Variants in MAP7 observed in about 807,000 individuals in gnomAD.
MAP7 encodes ensconsin.
In MAP7, 52 loss-of-function variants were observed where a neutral mutation model predicts 94.8. The ratio of observed to expected loss-of-function variants is 0.55; its 90% CI spans 0.44 to 0.69. MAP7 has a LOEUF of 0.69. Among genes scored for constraint, MAP7 ranks in the 30% least tolerant of loss-of-function variants. The pLI is 0.00. For missense variants in MAP7, 940 were observed against 964.6 expected (o/e 0.97, Z 0.34); for synonymous variants, 350 against 357.0 (o/e 0.98, Z 0.22).
At position 136,365,870 on chromosome 6, in the gene MAP7, G is replaced by T; in HGVS notation, c.1138C>A (p.Pro380Thr). ...RPVKREVKVEPEKKDPEKEPQ... is the reference protein window; with the variant it reads ...RPVKREVKVETEKKDPEKEPQ... ...TCCTTCTCAGGATCTTTCTTCTCAG[G>T]CTCCACTTTGACTTCCCTCTTGACA... Residue 380 changes from proline (P) to threonine (T), a missense_variant, in exon 10 of 18, where the codon CCT (proline) becomes ACT (threonine). Coordinates refer to ENST00000354570, the MANE Select transcript of MAP7 (RefSeq NM_003980.6). 6.2e-7 allele frequency: 1 copy of T among 1,614,124 alleles called. No individual in the cohort carries two copies. The highest frequency in any genetic ancestry group is 8.5e-7 in the Non-Finnish European group (1 of 1,180,036).
chr6:136,398,856 C>T (rs149890735), intron 3 of MAP7, among the ~76,000 whole-genome samples: 37 of 152,302 alleles, frequency 2.4e-4, no homozygotes, highest in African/African-American at 7.5e-4. Flanking sequence ...GAACTCAGTG[C>T]ACTCATGGGT....
At chr6:136,399,865 A>G (rs1370954822) in intron 3 of MAP7, among the ~76,000 whole-genome samples, 1 of 152,232 alleles carries the variant, frequency 6.6e-6, no homozygotes, top group Non-Finnish European at 1.5e-5. Context: ...ATAAAATAAT[A>G]AGAACATCTA....
chr6:136,405,275 A>G (rs1346642147), intron 3 of MAP7, among the ~76,000 whole-genome samples: 2 of 152,228 alleles, frequency 1.3e-5, no homozygotes, highest in African/African-American at 4.8e-5. Flanking sequence ...CAGATAATCA[A>G]CAAATAAGTA....
At chr6:136,533,110 TA>T (rs1014640816) in intron 1 of MAP7, among the ~76,000 whole-genome samples, 10 of 152,102 alleles carry the variant, frequency 6.6e-5, no homozygotes, top group Non-Finnish European at 1.3e-4. Flanking sequence ...CCATCTCTAC[TA>T]AAAATACAAA....
chr6:136,401,833 G>T (rs1029853209), intron 3 of MAP7, among the ~76,000 whole-genome samples: 12 of 150,634 alleles, frequency 8.0e-5, no homozygotes, highest in South Asian at 4.2e-4. Context: ...GAAAAACACA[G>T]AATGATCGCT....
At chr6:136,357,155 C>T (rs1791222421) in intron 15 of MAP7, among the ~76,000 whole-genome samples, 1 of 152,170 alleles carries the variant, frequency 6.6e-6, no homozygotes, top group South Asian at 2.1e-4. Context: ...ATCAAGCTGA[C>T]ACTGAATATC....
chr6:136,523,851 C>A (rs991683831), intron 1 of MAP7, among the ~76,000 whole-genome samples: 7 of 152,162 alleles, frequency 4.6e-5, no homozygotes, highest in African/African-American at 1.7e-4. Context: ...TTCGAAGCAT[C>A]TTCTTTCCTC....
chr6:136,382,129 T>C (rs73559067), intron 6 of MAP7, among the ~76,000 whole-genome samples: 2,583 of 152,214 alleles, frequency 0.017, 40 homozygotes, highest in East Asian at 0.039. Context: ...GTAGATCTTT[T>C]TCAGTTCCAA....
In MAP7 at chr6:136,535,436, C is replaced by CA. The variant is rs35239173; in HGVS notation, c.67+14905dup. The stretch of plus-strand genomic sequence containing the variant: ...CCTAGCCTCAGGTGTTTAAGTGACA[C>CA]AAAAAAAGGCCTAACACACCAATTC... On this transcript the variant is annotated intron_variant, in intron 1 of 17. Coordinates refer to ENST00000354570, the MANE Select transcript of MAP7 (RefSeq NM_003980.6). Among the ~76,000 whole-genome samples the CA allele has an allele frequency of 6.6e-5, 10 of 151,576 alleles. No homozygotes were observed. In the South Asian group the frequency reaches 1.7e-3, roughly 25 times the overall value.
At chr6:136,446,558 G>A (rs192565006) in intron 1 of MAP7, among the ~76,000 whole-genome samples, 65 of 152,288 alleles carry the variant, frequency 4.3e-4, no homozygotes, top group African/African-American at 1.5e-3. Context: ...AAGTTGGGGA[G>A]GTGCAGGGGG....
chr6:136,459,084 C>A (rs1450335655), intron 1 of MAP7, among the ~76,000 whole-genome samples: 1 of 151,998 alleles, frequency 6.6e-6, no homozygotes, highest in Admixed American at 6.6e-5. Flanking sequence ...TAGAAATGGG[C>A]AAAGGAACTG....
At chr6:136,528,919 G>A (rs1463594221) in intron 1 of MAP7, among the ~76,000 whole-genome samples, 1 of 150,630 alleles carries the variant, frequency 6.6e-6, no homozygotes, top group East Asian at 1.9e-4. Context: ...TTTCTTAAAT[G>A]TTCACACCCA....
chr6:136,348,206 C>G (rs538389384), intron 16 of MAP7, among the ~76,000 whole-genome samples: 1 of 152,310 alleles, frequency 6.6e-6, no homozygotes, highest in South Asian at 2.1e-4. Context: ...GAACGTATCT[C>G]CAGAGCCCCC....
intron 3 of MAP7, among the ~76,000 whole-genome samples, chr6:136,392,211 G>A (rs900641119): frequency 3.3e-5 from 5 of 151,978 alleles, no homozygotes; most frequent in Non-Finnish European, 7.4e-5. Flanking sequence ...CTGGGTAGCT[G>A]GGACTACAGG....
chr6:136,544,608 T>C (rs1264005502), intron 1 of MAP7, among the ~76,000 whole-genome samples: 2 of 152,184 alleles, frequency 1.3e-5, no homozygotes, highest in South Asian at 2.1e-4. Flanking sequence ...TTTGTGGTTT[T>C]TCTGAGCTCT....
intron 3 of MAP7, among the ~76,000 whole-genome samples, chr6:136,394,715 C>A (rs968832494): frequency 6.6e-6 from 1 of 150,878 alleles, no homozygotes; most frequent in Non-Finnish European, 1.5e-5. Context: ...ACCTCTTTAA[C>A]CTCCCCCCCA....
intron 1 of MAP7, among the ~76,000 whole-genome samples, chr6:136,535,902 C>G (rs77726494): frequency 6.6e-6 from 1 of 151,734 alleles, no homozygotes; most frequent in African/African-American, 2.4e-5. Flanking sequence ...CCCGCTCCCC[C>G]CACCCCACGA....
intron 1 of MAP7, among the ~76,000 whole-genome samples, chr6:136,455,514 C>G (rs1032908030): frequency 6.6e-6 from 1 of 152,032 alleles, no homozygotes; most frequent in African/African-American, 2.4e-5. Context: ...AATATTTCAC[C>G]TCAGAGCAGC....
Position 136,492,249 on chromosome 6 carries a change from CA to C in MAP7, c.67+58092del, listed in dbSNP as rs1215006150. The stretch of plus-strand genomic sequence containing the variant: ...TATATACTATAGGCAGTAAATACAA[CA>C]CACTTGTAATCACTTCCTTTACAGT... On this transcript the variant is annotated intron_variant, in intron 1 of 17. Coordinates refer to ENST00000354570, the MANE Select transcript of MAP7 (RefSeq NM_003980.6). 5.3e-5 allele frequency among the ~76,000 whole-genome samples: 8 copies of C among 152,338 alleles called. No homozygotes were observed. The South Asian group carries it at 1.7e-3, about 32-fold the overall frequency.
Sources: allele counts gnomAD v4.1 joint callset (sites outside exome capture counted in the v4.1 genomes callset), GRCh38; gene constraint gnomAD v4.1.1; transcripts MANE v1.5; gene names NCBI Gene and HGNC (gene_info 2026-07-23, HGNC 2026-07-21).